CBLIF: variants seen among roughly 807,000 people sequenced by gnomAD.
The protein encoded by CBLIF is cobalamin binding intrinsic factor.
A neutral mutation model predicts 44.9 loss-of-function variants in CBLIF; 24 were observed. The ratio of observed to expected loss-of-function variants is 0.53; its 90% CI spans 0.39 to 0.75. The LOEUF (loss-of-function observed/expected upper bound fraction) is 0.75, where lower values mean the gene tolerates loss of function less well. CBLIF is among the 30% of genes least tolerant of loss of function. The pLI, the probability that CBLIF is intolerant of heterozygous loss-of-function variation, is 0.00. For missense variants in CBLIF, 481 were observed against 513.0 expected, an observed-to-expected ratio of 0.94 and a Z score of 0.60; for synonymous variants, 183 against 190.9, an observed-to-expected ratio of 0.96 and a Z score of 0.34.
At chr11:59,843,529 T>C (rs1230936430) in intron 2 of CBLIF, among the ~76,000 whole-genome samples, 1 of 152,182 alleles carries the variant, frequency 6.6e-6, no homozygotes, top group Non-Finnish European at 1.5e-5. Flanking sequence ...ATCATTGCTA[T>C]TAGTAGTAGT....
intron 6 of CBLIF, 111 bp downstream of exon 6, chr11:59,837,063 C>T: frequency 1.2e-6 from 1 of 860,906 alleles, no homozygotes; most frequent in Non-Finnish European, 2.0e-6. Flanking sequence ...TGTACTCTGC[C>T]CACATGGGAA....
In CBLIF at chr11:59,835,813, C is replaced by T; in HGVS notation, c.1068G>A (p.Met356Ile). ...ATGACATTTGTAATACTCACTTGAA[C>T]ATAGGATTTTTGCGCTGTGCTTCCT... Reference protein sequence around the residue: ...VLEEAQRKNPMFKFETTMTSW... With the variant: ...VLEEAQRKNPIFKFETTMTSW... Residue 356 changes from methionine to isoleucine, a missense_variant, in exon 7 of 9, where the codon ATG (methionine) becomes ATA (isoleucine). Coordinates refer to ENST00000257248, the MANE Select transcript of CBLIF (RefSeq NM_005142.3). 3 of 1,608,812 alleles carry T rather than the reference C, an allele frequency of 1.9e-6. No homozygotes were observed. The highest frequency in any genetic ancestry group is 8.5e-7 in the Non-Finnish European group (1 of 1,175,100).
At position 59,843,473 on chromosome 11, in the gene CBLIF, C is replaced by T. The variant is rs138288212; in HGVS notation, c.257-332G>A. Among the ~76,000 whole-genome samples, 1,292 of 152,286 alleles carry T rather than the reference C, an allele frequency of 8.5e-3. 11 individuals carry two copies. The highest frequency in any genetic ancestry group is 0.021 in the African/African-American group (871 of 41,564). ...TTAAACTTTATCTAACTTGAGCCTG[C>T]AGGCAGCTCCTGGGAGATAGGCAGA... is the stretch of plus-strand genomic sequence containing the variant. On this transcript the variant is annotated intron_variant, in intron 2 of 8. Coordinates refer to ENST00000257248, the MANE Select transcript of CBLIF (RefSeq NM_005142.3).
At chr11:59,830,321 T>C (rs192124047) in intron 8 of CBLIF, among the ~76,000 whole-genome samples, 78 of 150,742 alleles carry the variant, frequency 5.2e-4, no homozygotes, top group African/African-American at 1.6e-3. Context: ...ACTGCAAGCT[T>C]CGCCTCCTGG....
intron 7 of CBLIF, among the ~76,000 whole-genome samples, chr11:59,834,655 G>A (rs775648990): frequency 1.3e-4 from 20 of 152,010 alleles, no homozygotes; most frequent in Non-Finnish European, 2.6e-4. Context: ...AGCTTCCAAA[G>A]TGCTGTAATT....
intron 6 of CBLIF, 71 bp from the exon 7 acceptor site, chr11:59,836,080 A>G: frequency 8.7e-7 from 1 of 1,153,562 alleles, no homozygotes; most frequent in East Asian, 2.3e-5. Context: ...AATCTCTGTT[A>G]TTGGCAACTT....
intron 1 of CBLIF, 25 bp from the exon 2 acceptor site, chr11:59,844,080 C>A (rs1287305328): frequency 1.3e-6 from 2 of 1,565,836 alleles, no homozygotes; most frequent in Non-Finnish European, 1.8e-6. Flanking sequence ...GCCATTTACT[C>A]ACCTTCTAAC....
chr11:59,832,403 A>C (rs1358379228), intron 7 of CBLIF, among the ~76,000 whole-genome samples: 1 of 152,178 alleles, frequency 6.6e-6, no homozygotes, highest in Non-Finnish European at 1.5e-5. Context: ...GTGATGAAAT[A>C]ATCTGTACAA....
intron 1 of CBLIF, 152 bp from the exon 2 acceptor site, chr11:59,844,207 G>A (rs1030298648): frequency 3.4e-5 from 23 of 684,414 alleles, no homozygotes; most frequent in Middle Eastern, 3.8e-4. Flanking sequence ...GCACGATCTC[G>A]GCTCACTGCA....
intron 8 of CBLIF, among the ~76,000 whole-genome samples, chr11:59,830,458 T>A (rs374876261): frequency 6.7e-4 from 102 of 152,032 alleles, no homozygotes; most frequent in African/African-American, 2.3e-3. Flanking sequence ...AGGATGGTCT[T>A]GATCTCCTGA....
At chr11:59,842,625 C>T in intron 3 of CBLIF, 42 bp from the exon 4 acceptor site, 2 of 1,597,678 alleles carry the variant, frequency 1.3e-6, no homozygotes, top group East Asian at 2.2e-5. Flanking sequence ...TCACAGTCAC[C>T]ACGATGAGGA....
intron 8 of CBLIF, among the ~76,000 whole-genome samples, chr11:59,830,640 C>A (rs977083773): frequency 6.6e-5 from 10 of 151,976 alleles, no homozygotes; most frequent in Admixed American, 2.0e-4. Flanking sequence ...GATGGGAAAA[C>A]TAATAATAAT....
intron 7 of CBLIF, among the ~76,000 whole-genome samples, chr11:59,834,920 C>A (rs1866433368): frequency 6.6e-6 from 1 of 152,144 alleles, no homozygotes; most frequent in South Asian, 2.1e-4. Flanking sequence ...TTATTGGAGT[C>A]ATGTCCTATG....
chr11:59,836,586 T>C (rs368202931), intron 6 of CBLIF, among the ~76,000 whole-genome samples: 27 of 152,156 alleles, frequency 1.8e-4, no homozygotes, highest in African/African-American at 3.1e-4. Context: ...CTCCATCTCA[T>C]TGATATATTG....
At chr11:59,835,553 C>T (rs1866443084) in intron 7 of CBLIF, among the ~76,000 whole-genome samples, 1 of 152,220 alleles carries the variant, frequency 6.6e-6, no homozygotes. Flanking sequence ...TACAAAGTCT[C>T]TTTTGCCTGT....
chr11:59,837,354 G>A lies in CBLIF; in HGVS notation c.694-3C>T. The A allele has an allele frequency of 6.2e-7, 1 of 1,608,646 alleles. No homozygotes were observed. The highest frequency in any genetic ancestry group is 1.1e-5 in the South Asian group (1 of 90,964). On this transcript the variant is annotated splice_region_variant and splice_polypyrimidine_tract_variant and intron_variant, in intron 5 of 8. Transcript: ENST00000257248. ...GGCTCAGGTGTTACAGAGAGAGCCTGGGAAGGAAGACAGAAAGAGAGAGAA... is the reference window on the plus strand; with the variant it reads ...GGCTCAGGTGTTACAGAGAGAGCCTAGGAAGGAAGACAGAAAGAGAGAGAA...
At position 59,842,536 on chromosome 11, in the gene CBLIF, A is replaced by G. The variant is rs141917734; in HGVS notation, c.418T>C (p.Leu140=). ...TCAGAGTTCTTCTGGCACAGTGCCA[A>G]GATCGCTAGACTGGGCCCATAGAAG... is the stretch of plus-strand genomic sequence containing the variant. The part of the protein sequence containing the change: ...SAFYGPSLAI[L]ALCQKNSEAT... The change falls in exon 4 of 9, where the codon TTG becomes CTG. Residue 140 remains leucine, a synonymous_variant. Coordinates refer to ENST00000257248, the MANE Select transcript of CBLIF (RefSeq NM_005142.3). The G allele has an allele frequency of 2.0e-5, 33 of 1,614,036 alleles. 1 individual carries two copies. The highest frequency in any genetic ancestry group is 2.3e-5 in the Non-Finnish European group (27 of 1,180,004).
chr11:59,835,819 A>G lies in CBLIF; in HGVS notation c.1062T>C (p.Asn354=). The part of the protein sequence containing the change: ...LVVLEEAQRK[N]PMFKFETTMT... ...TTTGTAATACTCACTTGAACATAGG[A>G]TTTTTGCGCTGTGCTTCCTCTAGGA... Residue 354 remains asparagine (N), a synonymous_variant, in exon 7 of 9, where the codon AAT becomes AAC. Coordinates refer to ENST00000257248, the MANE Select transcript of CBLIF (RefSeq NM_005142.3). The G allele has an allele frequency of 1.2e-6, 2 of 1,611,918 alleles. No individual in the cohort carries two copies. The highest frequency in any genetic ancestry group is 1.7e-6 in the Non-Finnish European group (2 of 1,177,982).
At chr11:59,839,868 A>C (rs890921961) in intron 5 of CBLIF, among the ~76,000 whole-genome samples, 2 of 151,170 alleles carry the variant, frequency 1.3e-5, no homozygotes, top group Admixed American at 1.3e-4. Context: ...AAATTGAAGC[A>C]AGGTTATTTT....
Sources: allele counts gnomAD v4.1 joint callset (sites outside exome capture counted in the v4.1 genomes callset), GRCh38; gene constraint gnomAD v4.1.1; transcripts MANE v1.5; gene names NCBI Gene and HGNC (gene_info 2026-07-23, HGNC 2026-07-21).